The following SOX5 variants were observed in gnomAD, a reference collection of about 807,000 sequenced individuals.
The protein encoded by SOX5 is SRY-box transcription factor 5.
Under a neutral mutation model 92.0 loss-of-function variants are expected in SOX5, and 9 were observed. The observed-to-expected ratio is 0.10, with a 90% CI of 0.06 to 0.17. The LOEUF (loss-of-function observed/expected upper bound fraction) is 0.17. Among genes scored for constraint, SOX5 ranks in the 10% least tolerant of loss-of-function variants. SOX5 has a pLI of 1.00. For synonymous variants in SOX5, 344 were observed against 336.3 expected (o/e 1.02, Z -0.25); for missense variants, 642 against 944.5 (o/e 0.68, Z 4.20).
chr12:23,573,841 G>A (rs956388568), intron 10 of SOX5, among the ~76,000 whole-genome samples: 1 of 151,962 alleles, frequency 6.6e-6, no homozygotes. Context: ...GCAGCCCTAG[G>A]GACAGGCCTA....
chr12:24,369,123 C>T (rs1484129874), intron 1 of SOX5, among the ~76,000 whole-genome samples: 2 of 152,264 alleles, frequency 1.3e-5, no homozygotes, highest in South Asian at 2.1e-4. Context: ...CACAGTATAC[C>T]GTCTTCATCT....
chr12:23,546,670 T>TA (rs1943191228), intron 11 of SOX5, among the ~76,000 whole-genome samples: 2 of 152,168 alleles, frequency 1.3e-5, no homozygotes. Flanking sequence ...GCCTAAGGGA[T>TA]ATATGCCGGG....
intron 1 of SOX5, among the ~76,000 whole-genome samples, chr12:23,945,310 CAT>C (rs972787576): frequency 3.5e-4 from 54 of 152,248 alleles, no homozygotes; most frequent in African/African-American, 1.3e-3. Flanking sequence ...AATACTTTAA[CAT>C]GTGCTTATTA....
rs116371926 is a variant in SOX5, at chr12:24,222,966, G to A, written c.-76-9549C>T. Among the ~76,000 whole-genome samples the A allele has an allele frequency of 7.6e-3, 1,164 of 152,212 alleles. 16 individuals carry two copies. Among genetic ancestry groups the A allele is most frequent in the African/African-American group, 0.026 (1,081 of 41,520 alleles). On this transcript the variant is annotated intron_variant, in intron 3 of 4. Coordinates refer to the SOX5 transcript ENST00000446891. ...AAAACAGTGGGTGATACAACTGTCC[G>A]GCACCCCATACTGACTAAGCATCAC...
At chr12:24,316,554 G>A (rs1289595554) in intron 2 of SOX5, among the ~76,000 whole-genome samples, 2 of 152,114 alleles carry the variant, frequency 1.3e-5, no homozygotes, top group Admixed American at 6.6e-5. Context: ...TAACTTTTGG[G>A]TGTGAAGGAA....
At chr12:24,314,165 C>T (rs1270074503) in intron 2 of SOX5, among the ~76,000 whole-genome samples, 1 of 152,126 alleles carries the variant, frequency 6.6e-6, no homozygotes, top group Non-Finnish European at 1.5e-5. Flanking sequence ...TGACCAAAAC[C>T]TGTGTCTTCT....
At chr12:23,989,520 G>A (rs1950365428) in intron 4 of SOX5, among the ~76,000 whole-genome samples, 1 of 152,022 alleles carries the variant, frequency 6.6e-6, no homozygotes. Flanking sequence ...ACACTAGATG[G>A]CAAAAGTTAT....
chr12:24,275,146 A>G (rs1944291804), intron 3 of SOX5, among the ~76,000 whole-genome samples: 1 of 152,202 alleles, frequency 6.6e-6, no homozygotes, highest in Non-Finnish European at 1.5e-5. Flanking sequence ...CAGCTTATAT[A>G]TACCTTCTGA....
intron 4 of SOX5, among the ~76,000 whole-genome samples, chr12:24,071,305 G>A (rs1029894586): frequency 6.6e-6 from 1 of 152,164 alleles, no homozygotes; most frequent in African/African-American, 2.4e-5. Flanking sequence ...TAACTGCATT[G>A]CCTAATTTAA....
chr12:23,985,284 A>AC (rs1949962027), intron 4 of SOX5, among the ~76,000 whole-genome samples: 1 of 151,582 alleles, frequency 6.6e-6, no homozygotes, highest in South Asian at 2.1e-4. Flanking sequence ...CCACTCCATC[A>AC]CCCAGGCAGG....
intron 4 of SOX5, among the ~76,000 whole-genome samples, chr12:24,093,038 A>T (rs536135161): frequency 6.6e-6 from 1 of 152,200 alleles, no homozygotes; most frequent in Non-Finnish European, 1.5e-5. Context: ...AAATAAAAAA[A>T]TCATGAGCTA....
chr12:24,152,497 C>T (rs1202022924), intron 4 of SOX5, among the ~76,000 whole-genome samples: 1 of 152,042 alleles, frequency 6.6e-6, no homozygotes, highest in Non-Finnish European at 1.5e-5. Flanking sequence ...CCCTGGATTC[C>T]CCACCTGTGA....
intron 8 of SOX5, among the ~76,000 whole-genome samples, chr12:23,615,193 T>A (rs948601585): frequency 6.6e-6 from 1 of 152,196 alleles, no homozygotes; most frequent in African/African-American, 2.4e-5. Flanking sequence ...TTTGCATTTC[T>A]CTAATGATGT....
chr12:23,893,272 C>T (rs902514369), intron 2 of SOX5, among the ~76,000 whole-genome samples: 2 of 151,998 alleles, frequency 1.3e-5, no homozygotes, highest in Admixed American at 6.6e-5. Context: ...ATGGTGAAAC[C>T]CTGTCTCTAT....
chr12:24,552,621 T>C (rs74603483), intron 1 of SOX5, among the ~76,000 whole-genome samples: 3,796 of 152,340 alleles, frequency 0.025, 67 homozygotes, highest in South Asian at 0.071. Flanking sequence ...CCCTTAAGTA[T>C]ATGCAACACG....
At chr12:23,853,330 T>C (rs2096653293) in intron 2 of SOX5, among the ~76,000 whole-genome samples, 1 of 151,644 alleles carries the variant, frequency 6.6e-6, no homozygotes, top group Non-Finnish European at 1.5e-5. Context: ...TTTAAATTTA[T>C]TAATAATTAG....
intron 1 of SOX5, among the ~76,000 whole-genome samples, chr12:24,432,381 C>G (rs576945993): frequency 1.2e-3 from 190 of 152,116 alleles, no homozygotes; most frequent in African/African-American, 4.4e-3. Flanking sequence ...TGAAAAGCCC[C>G]CAATAAAAGT....
At chr12:23,774,836 TAAAC>T (rs1419451744) in intron 3 of SOX5, among the ~76,000 whole-genome samples, 2 of 152,208 alleles carry the variant, frequency 1.3e-5, no homozygotes, top group African/African-American at 4.8e-5. Context: ...AAAGTAGTAT[TAAAC>T]AATTTACACA....
At chr12:24,405,016 A>C (rs1215164740) in intron 1 of SOX5, among the ~76,000 whole-genome samples, 1 of 152,166 alleles carries the variant, frequency 6.6e-6, no homozygotes, top group Non-Finnish European at 1.5e-5. Context: ...CAAGCCAAAA[A>C]AGAAGGGCCC....
Sources: gnomAD v4.1 joint callset for allele counts (sites outside exome capture counted in the v4.1 genomes callset) on GRCh38, gnomAD v4.1.1 for gene constraint, MANE v1.5 for transcripts, NCBI Gene and HGNC (gene_info 2026-07-23, HGNC 2026-07-21) for gene names.